Variants in COL12A1 observed in about 807,000 individuals in gnomAD.
COL12A1 encodes the protein collagen type XII alpha 1 chain.
COL12A1 carries 114 observed loss-of-function variants against 349.7 expected under a neutral mutation model. The observed-to-expected ratio is 0.33, with a 90% CI of 0.28 to 0.38. The LOEUF (loss-of-function observed/expected upper bound fraction) is 0.38. Among genes scored for constraint, COL12A1 ranks in the 10% least tolerant of loss-of-function variants. The probability of loss-of-function intolerance (pLI) is 1.00; values close to 1 mark genes in which losing one functional copy is unlikely to be tolerated. For missense variants in COL12A1, 3,284 were observed against 3,756.9 expected, an observed-to-expected ratio of 0.87 and a Z score of 3.29; for synonymous variants, 1,369 against 1,329.0, an observed-to-expected ratio of 1.03 and a Z score of -0.66.
chr6:75,096,610 AC>A (rs1194275469), intron 59 of COL12A1, among the ~76,000 whole-genome samples: 1 of 152,244 alleles, frequency 6.6e-6, no homozygotes, highest in Non-Finnish European at 1.5e-5. Flanking sequence ...AAATTCTGTA[AC>A]AGGGGCCGGG....
At chr6:75,128,089 G>A (rs1361533090) in intron 38 of COL12A1, among the ~76,000 whole-genome samples, 1 of 152,108 alleles carries the variant, frequency 6.6e-6, no homozygotes, top group Non-Finnish European at 1.5e-5. Flanking sequence ...TCTTCTCTTA[G>A]TGGACCTTTA....
rs531406066 is a variant in COL12A1 at position 75,131,899 on chromosome 6, C to T, written c.5937+41G>A. ...CAAACGTGACACAAACATGTGACTA[C>T]ATTCACCAGGAAATGCAGTTTCCAT... On this transcript the variant is annotated intron_variant, in intron 35 of 65. Coordinates refer to ENST00000322507, the MANE Select transcript of COL12A1 (RefSeq NM_004370.6). 2.7e-5 allele frequency: 43 copies of T among 1,608,782 alleles called. No homozygotes were observed. In the East Asian group the frequency reaches 8.7e-4, roughly 33 times the overall value.
At chr6:75,116,424 A>G (rs1421052104) in intron 47 of COL12A1, among the ~76,000 whole-genome samples, 6 of 152,026 alleles carry the variant, frequency 3.9e-5, no homozygotes, top group Non-Finnish European at 5.9e-5. Context: ...TCCATCCCCA[A>G]CCCTCTTCTC....
At chr6:75,101,760 A>G in intron 57 of COL12A1, 107 bp from the exon 58 acceptor site, 1 of 1,260,764 alleles carries the variant, frequency 7.9e-7, no homozygotes. Flanking sequence ...GACTCTGAAT[A>G]GAAACAGGAG....
At chr6:75,118,484 A>G (rs2149365225) in intron 46 of COL12A1, among the ~76,000 whole-genome samples, 1 of 152,342 alleles carries the variant, frequency 6.6e-6, no homozygotes, top group South Asian at 2.1e-4. Flanking sequence ...TAATGCAAGT[A>G]CTGGAAAGAT....
At chr6:75,202,286 G>A (rs1323419762) in intron 2 of COL12A1, among the ~76,000 whole-genome samples, 1 of 152,230 alleles carries the variant, frequency 6.6e-6, no homozygotes, top group Non-Finnish European at 1.5e-5. Flanking sequence ...CTGTCACCGA[G>A]GTCGCAGCCC....
intron 51 of COL12A1, chr6:75,112,890 T>A (rs950520713): frequency 6.3e-6 from 1 of 158,902 alleles, no homozygotes; most frequent in African/African-American, 2.4e-5. Flanking sequence ...ATTAAGCTTT[T>A]CAAACTAAAT....
At chr6:75,149,439 G>A (rs1267212908) in intron 21 of COL12A1, among the ~76,000 whole-genome samples, 1 of 152,042 alleles carries the variant, frequency 6.6e-6, no homozygotes, top group Non-Finnish European at 1.5e-5. Context: ...TATCACTGGA[G>A]AGAGTGCAAA....
intron 2 of COL12A1, among the ~76,000 whole-genome samples, chr6:75,199,041 G>C (rs1770384928): frequency 6.6e-6 from 1 of 152,078 alleles, no homozygotes; most frequent in African/African-American, 2.4e-5. Flanking sequence ...GAGTTTTCAA[G>C]GTACCATAAA....
intron 31 of COL12A1, 21 bp downstream of exon 31, chr6:75,137,416 T>C (rs1227771040): frequency 6.5e-7 from 1 of 1,544,944 alleles, no homozygotes; most frequent in African/African-American, 1.4e-5. Context: ...ATCCAAGTTA[T>C]AATTTTTATT....
chr6:75,205,382 C>G (rs111572046), intron 1 of COL12A1, among the ~76,000 whole-genome samples: 6,165 of 151,710 alleles, frequency 0.041, 171 homozygotes, highest in Non-Finnish European at 0.059. Context: ...CTTCCCAGCG[C>G]CCCCGCCGCA....
rs142509363 is a variant in COL12A1 at position 75,105,302 on chromosome 6, T to C, written c.8179-10A>G. 282 of 1,609,888 alleles carry C rather than the reference T, an allele frequency of 1.8e-4. No individual in the cohort carries two copies. The African/African-American group carries it at 3.5e-3, about 20-fold the overall frequency. ...ATTTTCCCTCATCTCTCTGAAATTT[T>C]GAAAAGAATATTTACCTTTAAATTT... On this transcript the variant is annotated splice_polypyrimidine_tract_variant and intron_variant, in intron 53 of 65. Transcript: ENST00000322507.
intron 52 of COL12A1, among the ~76,000 whole-genome samples, chr6:75,107,720 A>AT (rs1265727431): frequency 2.0e-5 from 3 of 152,200 alleles, no homozygotes; most frequent in African/African-American, 7.2e-5. Context: ...ATCCTCAACT[A>AT]TTTCAAGATA....
chr6:75,182,095 C>A (rs1262341167), intron 10 of COL12A1, among the ~76,000 whole-genome samples: 177 of 102,966 alleles, frequency 1.7e-3, no homozygotes, highest in East Asian at 6.1e-3. Context: ...GACCCTGTCT[C>A]AAAAAAAAAA....
intron 2 of COL12A1, among the ~76,000 whole-genome samples, chr6:75,196,225 C>T (rs1770220311): frequency 1.3e-5 from 2 of 152,130 alleles, no homozygotes; most frequent in Admixed American, 1.3e-4. Flanking sequence ...TGACTTTCAG[C>T]CACACTCTTC....
At chr6:75,199,069 A>T (rs535977184) in intron 2 of COL12A1, among the ~76,000 whole-genome samples, 82 of 152,328 alleles carry the variant, frequency 5.4e-4, no homozygotes, top group African/African-American at 1.9e-3. Flanking sequence ...TTGAAAAAAT[A>T]ATATTTTAGA....
rs772370270 is a variant in COL12A1, at chr6:75,188,515, T to C, written c.844A>G (p.Lys282Glu). 3 of 1,612,950 alleles carry C rather than the reference T, an allele frequency of 1.9e-6. No individual in the cohort carries two copies. Among genetic ancestry groups the C allele is most frequent in the South Asian group, 1.1e-5 (1 of 91,052 alleles). ...FSLGIKAADA[K>E]ELKQIASTPS... ...GTGGAGGCAATTTGTTTGAGTTCTTTTGCATCTGCAGCTTTAATGCCTTCA... is the reference window on the plus strand; with the variant it reads ...GTGGAGGCAATTTGTTTGAGTTCTTCTGCATCTGCAGCTTTAATGCCTTCA... Residue 282 changes from lysine to glutamate, a missense_variant, in exon 8 of 66, where the codon AAA becomes GAA. Coordinates refer to ENST00000322507, the MANE Select transcript of COL12A1 (RefSeq NM_004370.6).
chr6:75,134,840 GTCC>G lies in COL12A1; in HGVS notation c.5407_5409del (p.Gly1803del), dbSNP rs751234561. ...TTCTGCAGGACCACACTGTTCTGCC[GTCC>G]TCCTATTGTGGTCTTGAGTAAAAAG... On this transcript the variant is annotated inframe_deletion, in exon 32 of 66. Transcript: ENST00000322507. 5 of 1,610,910 alleles carry G rather than the reference GTCC, an allele frequency of 3.1e-6. No individual in the cohort carries two copies. The highest frequency in any genetic ancestry group is 4.2e-6 in the Non-Finnish European group (5 of 1,177,914).
intron 24 of COL12A1, 23 bp downstream of exon 24, chr6:75,146,079 T>C: frequency 1.9e-6 from 3 of 1,570,148 alleles, no homozygotes; most frequent in Non-Finnish European, 2.6e-6. Context: ...AGACCCAATG[T>C]TAAAGAAACA....
Sources: gnomAD v4.1 joint callset for allele counts (sites outside exome capture counted in the v4.1 genomes callset) on GRCh38, gnomAD v4.1.1 for gene constraint, MANE v1.5 for transcripts, NCBI Gene and HGNC (gene_info 2026-07-23, HGNC 2026-07-21) for gene names.